CNTNAP5: variants seen among roughly 807,000 people sequenced by gnomAD.
The protein encoded by CNTNAP5 is contactin-associated protein-like 5.
A neutral mutation model predicts 150.2 loss-of-function variants in CNTNAP5; 72 were observed. That is an observed-to-expected ratio of 0.48 (90% CI 0.40 to 0.58). The LOEUF is 0.58. Among genes scored for constraint, CNTNAP5 ranks in the 20% least tolerant of loss-of-function variants. The pLI, the probability that CNTNAP5 is intolerant of heterozygous loss-of-function variation, is 0.00. For missense variants in CNTNAP5, 1,636 were observed against 1,626.2 expected, an observed-to-expected ratio of 1.01 and a Z score of -0.10; for synonymous variants, 672 against 619.8, an observed-to-expected ratio of 1.08 and a Z score of -1.25.
intron 13 of CNTNAP5, among the ~76,000 whole-genome samples, chr2:124,661,318 T>C: frequency 6.6e-6 from 1 of 152,162 alleles, no homozygotes; most frequent in East Asian, 1.9e-4. Flanking sequence ...TTCTATAAGC[T>C]TTTTTCTATT....
chr2:124,412,359 C>T lies in CNTNAP5; in HGVS notation c.382-5084C>T, dbSNP rs1443080361. On this transcript the variant is annotated intron_variant, in intron 3 of 23. Transcript: ENST00000682447. ...CCATAAAGCTACCTATGACTTTCTT[C>T]GCAGAATTGGAAAAAACTACTTTAA... 1.2e-4 allele frequency among the ~76,000 whole-genome samples: 18 copies of T among 148,044 alleles called. No homozygotes were observed. The South Asian group carries it at 1.3e-3, about 11-fold the overall frequency.
chr2:124,190,265 G>T (rs912742370), intron 1 of CNTNAP5, among the ~76,000 whole-genome samples: 4 of 152,172 alleles, frequency 2.6e-5, no homozygotes, highest in Non-Finnish European at 5.9e-5. Flanking sequence ...TGGTAGCAAT[G>T]ATGTTTTTGA....
chr2:124,811,864 C>T (rs1468529114), intron 19 of CNTNAP5, among the ~76,000 whole-genome samples: 1 of 146,136 alleles, frequency 6.8e-6, no homozygotes, highest in Non-Finnish European at 1.5e-5. Flanking sequence ...ATCGCTTGAA[C>T]CCGGGAGGCA....
At chr2:124,356,954 C>A (rs1190501295) in intron 3 of CNTNAP5, among the ~76,000 whole-genome samples, 2 of 152,068 alleles carry the variant, frequency 1.3e-5, no homozygotes, top group African/African-American at 2.4e-5. Flanking sequence ...TTCTTCACAT[C>A]CTCTCCAGCA....
At chr2:124,260,665 G>T (rs1383763902) in intron 3 of CNTNAP5, among the ~76,000 whole-genome samples, 6 of 151,786 alleles carry the variant, frequency 4.0e-5, no homozygotes, top group African/African-American at 1.4e-4. Context: ...TCAAATATCC[G>T]GTAATACTTT....
chr2:124,159,880 G>A (rs907695774), intron 1 of CNTNAP5, among the ~76,000 whole-genome samples: 1 of 152,064 alleles, frequency 6.6e-6, no homozygotes, highest in African/African-American at 2.4e-5. Context: ...AAGGACTCGA[G>A]GGATAAATGC....
rs184583067 is a variant in CNTNAP5 at position 124,869,870 on chromosome 2, T to C, written c.3436+108T>C. On this transcript the variant is annotated intron_variant, in intron 21 of 23. Transcript: ENST00000682447. Reference sequence around the variant, plus strand: ...TCAGGTCTGGAGCCTTTTGCTCCCATAATATCTGAGATCTGAAACCAAGAT... The same window carrying C: ...TCAGGTCTGGAGCCTTTTGCTCCCACAATATCTGAGATCTGAAACCAAGAT... 92 of 586,380 alleles carry C rather than the reference T, an allele frequency of 1.6e-4. No individual in the cohort carries two copies. In the East Asian group the frequency reaches 2.3e-3, roughly 15 times the overall value. The allele number at this position is 586,380 out of a possible 1,614,324, so 36.3% of individuals were successfully genotyped here.
At chr2:124,849,715 A>G (rs1683117420) in intron 19 of CNTNAP5, among the ~76,000 whole-genome samples, 1 of 152,160 alleles carries the variant, frequency 6.6e-6, no homozygotes, top group Admixed American at 6.6e-5. Context: ...TTCTTTCATC[A>G]GCGTCATACA....
Position 124,793,104 on chromosome 2 carries a change from A to G in CNTNAP5, c.2992+2963A>G, listed in dbSNP as rs114348717. ...ACTATAGGTTTAATCTTTTTGAGGA[A>G]CTTCCTAACTTTTTCAAATCGGCTG... is the stretch of plus-strand genomic sequence containing the variant. On this transcript the variant is annotated intron_variant, in intron 18 of 23. Transcript: ENST00000682447. Among the ~76,000 whole-genome samples, 1,090 of 152,304 alleles carry G rather than the reference A, an allele frequency of 7.2e-3. 13 individuals carry two copies. The highest frequency in any genetic ancestry group is 0.025 in the African/African-American group (1,039 of 41,574).
intron 19 of CNTNAP5, among the ~76,000 whole-genome samples, chr2:124,845,794 T>G (rs1339658500): frequency 6.6e-6 from 1 of 152,128 alleles, no homozygotes; most frequent in African/African-American, 2.4e-5. Context: ...ATAATAACCT[T>G]TAATAATCTT....
chr2:124,548,974 TGG>T (rs1028358838), intron 10 of CNTNAP5, among the ~76,000 whole-genome samples: 4 of 152,306 alleles, frequency 2.6e-5, no homozygotes, highest in African/African-American at 9.6e-5. Flanking sequence ...ATGCCTCAGC[TGG>T]GGCACAAGGG....
chr2:124,337,846 T>G lies in CNTNAP5; in HGVS notation c.382-79597T>G, dbSNP rs1369353560. ...TTGTTCTTTTGGCTTAGGATTGACTTGGTGATGCGGGCTCTTTTTTGGTTC... is the reference window on the plus strand; with the variant it reads ...TTGTTCTTTTGGCTTAGGATTGACTGGGTGATGCGGGCTCTTTTTTGGTTC... On this transcript the variant is annotated intron_variant, in intron 3 of 23. Transcript: ENST00000682447. Among the ~76,000 whole-genome samples, 3 of 152,054 alleles carry G rather than the reference T, an allele frequency of 2.0e-5. No homozygotes were observed. In the East Asian group the frequency reaches 5.8e-4, roughly 29 times the overall value.
intron 1 of CNTNAP5, among the ~76,000 whole-genome samples, chr2:124,026,280 A>T (rs1680886323): frequency 1.3e-5 from 2 of 152,196 alleles, no homozygotes; most frequent in Admixed American, 1.3e-4. Flanking sequence ...GTTTTGGCCT[A>T]AGAGTCATGG....
intron 12 of CNTNAP5, among the ~76,000 whole-genome samples, chr2:124,630,829 C>A (rs1232839812): frequency 6.6e-6 from 1 of 152,096 alleles, no homozygotes; most frequent in Non-Finnish European, 1.5e-5. Context: ...AAAACCCCAT[C>A]AACTCAACCC....
intron 1 of CNTNAP5, among the ~76,000 whole-genome samples, chr2:124,108,448 C>T (rs993456357): frequency 6.6e-6 from 1 of 152,112 alleles, no homozygotes; most frequent in African/African-American, 2.4e-5. Context: ...GACGAGCAGC[C>T]CGGAAGACAC....
At chr2:124,038,826 A>G (rs1423365097) in intron 1 of CNTNAP5, among the ~76,000 whole-genome samples, 1 of 152,214 alleles carries the variant, frequency 6.6e-6, no homozygotes, top group Non-Finnish European at 1.5e-5. Flanking sequence ...CGCAAAAGCA[A>G]CTAGGTACAA....
At chr2:124,911,298 G>T (rs1020614091) in intron 22 of CNTNAP5, among the ~76,000 whole-genome samples, 169 bp from the exon 23 acceptor site, 1 of 151,946 alleles carries the variant, frequency 6.6e-6, no homozygotes, top group Non-Finnish European at 1.5e-5. Flanking sequence ...CACTTCAAAT[G>T]CTTTCTGCTT....
At position 124,246,888 on chromosome 2, in the gene CNTNAP5, T is replaced by C. The variant is rs1288323577; in HGVS notation, c.381+4495T>C. Among the ~76,000 whole-genome samples the C allele has an allele frequency of 7.2e-5, 11 of 152,174 alleles. No homozygotes were observed. In the South Asian group the frequency reaches 1.9e-3, roughly 26 times the overall value. ...TTGCAGTTTTCTCTTATTAAAATTA[T>C]GTTGCCTCTCCCCAAACAGACAGCC... On this transcript the variant is annotated intron_variant, in intron 3 of 23. Coordinates refer to ENST00000682447, the MANE Select transcript of CNTNAP5 (RefSeq NM_001367498.1).
chr2:124,464,830 G>A (rs553287690), intron 6 of CNTNAP5, among the ~76,000 whole-genome samples: 1 of 152,280 alleles, frequency 6.6e-6, no homozygotes, highest in South Asian at 2.1e-4. Flanking sequence ...GAAGGGCCAT[G>A]AGCTTTGCAT....
Sources: allele counts gnomAD v4.1 joint callset (sites outside exome capture counted in the v4.1 genomes callset), GRCh38; gene constraint gnomAD v4.1.1; transcripts MANE v1.5; gene names NCBI Gene and HGNC (gene_info 2026-07-23, HGNC 2026-07-21).